Variants in IMMP2L observed in about 807,000 individuals in gnomAD.
IMMP2L encodes the protein mitochondrial inner membrane protease subunit 2.
Under a neutral mutation model 19.3 loss-of-function variants are expected in IMMP2L, and 18 were observed. The ratio of observed to expected loss-of-function variants is 0.93; its 90% confidence interval spans 0.64 to 1.38. IMMP2L has a LOEUF of 1.38. IMMP2L is among the 40% of genes most tolerant of loss of function. The pLI is 0.00. For synonymous variants in IMMP2L, 76 were observed against 73.0 expected (o/e 1.04, Z -0.21); for missense variants, 233 against 218.2 (o/e 1.07, Z -0.43).
intron 5 of IMMP2L, among the ~76,000 whole-genome samples, chr7:110,715,976 G>C (rs758627862): frequency 7.2e-5 from 11 of 152,032 alleles, no homozygotes; most frequent in Non-Finnish European, 1.3e-4. Context: ...GGATAGTGAA[G>C]TCTTCTTGCT....
intron 3 of IMMP2L, among the ~76,000 whole-genome samples, chr7:111,115,225 T>C (rs190762396): frequency 4.6e-5 from 7 of 152,308 alleles, no homozygotes; most frequent in East Asian, 1.9e-4. Flanking sequence ...TTATGACATA[T>C]TGTAAATTAG....
At chr7:111,211,890 C>G (rs1366059058) in intron 3 of IMMP2L, among the ~76,000 whole-genome samples, 1 of 151,836 alleles carries the variant, frequency 6.6e-6, no homozygotes, top group East Asian at 1.9e-4. Context: ...CCAGCTACTC[C>G]GGAGGCTGAG....
In IMMP2L at chr7:111,010,364, G is replaced by A. The variant is rs185906119; in HGVS notation, c.240-46799C>T. On this transcript the variant is annotated intron_variant, in intron 3 of 5. Transcript: ENST00000405709. ...ATTTGGTTTAACAATTATTTTCATG[G>A]AGATAGATCTTAACATCATGTTTAA... 4.9e-4 allele frequency among the ~76,000 whole-genome samples: 74 copies of A among 152,090 alleles called. 1 individual carries two copies. The highest frequency in any genetic ancestry group is 1.7e-3 in the African/African-American group (71 of 41,514).
At chr7:111,192,949 G>A (rs889745739) in intron 3 of IMMP2L, among the ~76,000 whole-genome samples, 3 of 152,084 alleles carry the variant, frequency 2.0e-5, no homozygotes, top group Admixed American at 2.0e-4. Flanking sequence ...AGCCCCTGAG[G>A]AGAGTTTGAG....
At chr7:110,849,636 A>G (rs1806003792) in intron 5 of IMMP2L, among the ~76,000 whole-genome samples, 1 of 152,132 alleles carries the variant, frequency 6.6e-6, no homozygotes, top group African/African-American at 2.4e-5. Context: ...AAAAATTAGA[A>G]TAAGTGACAG....
At chr7:110,679,612 G>A (rs932522696) in intron 5 of IMMP2L, among the ~76,000 whole-genome samples, 13 of 152,064 alleles carry the variant, frequency 8.5e-5, no homozygotes, top group Middle Eastern at 3.4e-3. Flanking sequence ...GGATGACAAC[G>A]TATCTGGTAC....
intron 5 of IMMP2L, among the ~76,000 whole-genome samples, chr7:110,767,438 T>C (rs559447798): frequency 6.6e-6 from 1 of 152,308 alleles, no homozygotes; most frequent in East Asian, 1.9e-4. Flanking sequence ...AACTCTCTCC[T>C]AGTGTCACTC....
chr7:111,352,740 G>A (rs1828302575), intron 3 of IMMP2L, among the ~76,000 whole-genome samples: 1 of 152,120 alleles, frequency 6.6e-6, no homozygotes, highest in Admixed American at 6.6e-5. Flanking sequence ...ATCGGTGAGA[G>A]GCATTGGACC....
intron 4 of IMMP2L, among the ~76,000 whole-genome samples, chr7:110,897,670 A>G (rs571867227): frequency 6.6e-6 from 1 of 152,324 alleles, no homozygotes; most frequent in East Asian, 1.9e-4. Context: ...GTGGCAAAAA[A>G]TCTGGATGCA....
chr7:111,556,018 G>GTGTGTATATATATATATA (rs777862357), intron 1 of IMMP2L, among the ~76,000 whole-genome samples: 5,496 of 91,236 alleles, frequency 0.06, 625 homozygotes, highest in Non-Finnish European at 0.091. Context: ...CTGTGTGCAT[G>GTGTGTATATATATATATA]TATATATATA....
chr7:111,064,742 C>T (rs1198904126), intron 3 of IMMP2L, among the ~76,000 whole-genome samples: 1 of 152,162 alleles, frequency 6.6e-6, no homozygotes, highest in Non-Finnish European at 1.5e-5. Context: ...CTCCTCCTAC[C>T]TTTAAGTCAA....
intron 5 of IMMP2L, among the ~76,000 whole-genome samples, chr7:110,764,781 A>T (rs1798559929): frequency 6.6e-6 from 1 of 152,092 alleles, no homozygotes; most frequent in Non-Finnish European, 1.5e-5. Context: ...GTTAGTATTT[A>T]AGTGCAGCAT....
At chr7:111,166,583 T>TGTTAGTATGTGTGCCCCACACATA (rs1805844212) in intron 3 of IMMP2L, among the ~76,000 whole-genome samples, 2 of 151,998 alleles carry the variant, frequency 1.3e-5, no homozygotes, top group Admixed American at 1.3e-4. Flanking sequence ...CCACACATAC[T>TGTTAGTATGTGTGCCCCACACATA]GTATTAGTTT....
At chr7:110,702,778 C>A (rs747731250) in intron 5 of IMMP2L, among the ~76,000 whole-genome samples, 3 of 152,100 alleles carry the variant, frequency 2.0e-5, no homozygotes, top group African/African-American at 4.8e-5. Flanking sequence ...TTCAACTTTA[C>A]TAAACTTACA....
At chr7:110,933,780 T>C (rs1815766289) in intron 4 of IMMP2L, among the ~76,000 whole-genome samples, 1 of 152,114 alleles carries the variant, frequency 6.6e-6, no homozygotes, top group Non-Finnish European at 1.5e-5. Flanking sequence ...GATTTTCCCT[T>C]TTCAGATTTA....
Position 111,242,204 on chromosome 7 carries a change from C to G in IMMP2L, c.239+245034G>C, listed in dbSNP as rs537663361. Reference sequence around the variant, plus strand: ...TAGCAAAAACAAAGCAGAACAAGGACAGGTGTGTGTTGCTCAGTGATCAGT... The same window carrying G: ...TAGCAAAAACAAAGCAGAACAAGGAGAGGTGTGTGTTGCTCAGTGATCAGT... On this transcript the variant is annotated intron_variant, in intron 3 of 5. Transcript: ENST00000405709. Among the ~76,000 whole-genome samples, 4 of 152,112 alleles carry G rather than the reference C, an allele frequency of 2.6e-5. No homozygotes were observed. The South Asian group carries it at 8.3e-4, about 32-fold the overall frequency.
At chr7:111,373,084 C>T (rs1584847192) in intron 3 of IMMP2L, among the ~76,000 whole-genome samples, 1 of 151,096 alleles carries the variant, frequency 6.6e-6, no homozygotes, top group East Asian at 1.9e-4. Context: ...GATTAAGAAA[C>T]TTTCCCCAAA....
At chr7:111,155,253 G>A (rs1180178565) in intron 3 of IMMP2L, among the ~76,000 whole-genome samples, 5 of 152,014 alleles carry the variant, frequency 3.3e-5, no homozygotes, top group South Asian at 2.1e-4. Flanking sequence ...AGTGTGTGTC[G>A]TTACTTTGGG....
chr7:111,115,027 A>G (rs180992175), intron 3 of IMMP2L, among the ~76,000 whole-genome samples: 27 of 152,284 alleles, frequency 1.8e-4, no homozygotes, highest in African/African-American at 6.5e-4. Flanking sequence ...ATGGAAAACA[A>G]GATGATTATA....
Sources: allele counts gnomAD v4.1 joint callset (sites outside exome capture counted in the v4.1 genomes callset), GRCh38; gene constraint gnomAD v4.1.1; transcripts MANE v1.5; gene names NCBI Gene and HGNC (gene_info 2026-07-23, HGNC 2026-07-21).